Variants in COL5A2 observed in about 807,000 individuals in gnomAD.
COL5A2 encodes collagen type V alpha 2 chain, also known as collagen alpha-2(V) chain.
A neutral mutation model predicts 208.2 loss-of-function variants in COL5A2; 23 were observed. That is an observed-to-expected ratio of 0.11 (90% confidence interval 0.08 to 0.16). The LOEUF is 0.16. Among genes scored for constraint, COL5A2 ranks in the 10% least tolerant of loss-of-function variants. COL5A2 has a pLI of 1.00. For missense variants in COL5A2, 1,590 were observed against 1,956.4 expected, an observed-to-expected ratio of 0.81 and a Z score of 3.53; for synonymous variants, 625 against 628.5, an observed-to-expected ratio of 0.99 and a Z score of 0.08.
chr2:189,213,334 C>T (rs141520556), intron 1 of COL5A2, among the ~76,000 whole-genome samples: 10 of 152,090 alleles, frequency 6.6e-5, no homozygotes, highest in Admixed American at 2.0e-4. Context: ...AGATTAAATG[C>T]TATAAAAAGT....
At chr2:189,057,748 T>C (rs909487174) in intron 33 of COL5A2, among the ~76,000 whole-genome samples, 31 of 152,336 alleles carry the variant, frequency 2.0e-4, no homozygotes, top group African/African-American at 7.2e-4. Flanking sequence ...AGAAAGACAT[T>C]ACATTTAGAG....
the COL5A2 span, among the ~76,000 whole-genome samples, chr2:189,244,006 C>T: frequency 4.4e-3 from 670 of 152,316 alleles, 6 homozygotes; most frequent in African/African-American, 0.015. Context: ...AGCTGGGACA[C>T]AGGGCACCAA....
At chr2:189,238,220 C>T in the COL5A2 span, among the ~76,000 whole-genome samples, 1 of 152,016 alleles carries the variant, frequency 6.6e-6, no homozygotes, top group East Asian at 1.9e-4. Flanking sequence ...TTATTTCTCT[C>T]TTGATGTTTT....
chr2:189,116,012 A>G (rs1347399731), intron 1 of COL5A2, among the ~76,000 whole-genome samples: 1 of 152,208 alleles, frequency 6.6e-6, no homozygotes, highest in Non-Finnish European at 1.5e-5. Flanking sequence ...CAGTCACAAC[A>G]GTTCATATTT....
chr2:189,145,623 G>A (rs1688024323), intron 1 of COL5A2, among the ~76,000 whole-genome samples: 1 of 151,780 alleles, frequency 6.6e-6, no homozygotes, highest in African/African-American at 2.4e-5. Flanking sequence ...AAAAACTATG[G>A]CCAATTAATG....
At chr2:189,170,173 C>T (rs956888762) in intron 1 of COL5A2, among the ~76,000 whole-genome samples, 16 of 151,988 alleles carry the variant, frequency 1.1e-4, no homozygotes, top group Admixed American at 8.5e-4. Context: ...GATGAAGAAA[C>T]TGTAACACAG....
the COL5A2 span, among the ~76,000 whole-genome samples, chr2:189,366,459 C>T: frequency 0.013 from 1,928 of 152,294 alleles, 22 homozygotes; most frequent in Non-Finnish European, 0.021. Flanking sequence ...CTGCTAAACA[C>T]CACCCCAGGA....
chr2:189,095,717 G>A (rs1229042207), intron 6 of COL5A2: 2 of 151,692 alleles, frequency 1.3e-5, no homozygotes, highest in African/African-American at 2.4e-5. Flanking sequence ...AGGACCCAAT[G>A]TTATCAATTA....
intron 1 of COL5A2, among the ~76,000 whole-genome samples, chr2:189,136,380 T>G (rs189963736): frequency 1.8e-3 from 278 of 150,442 alleles, no homozygotes; most frequent in African/African-American, 6.1e-3. Context: ...TATACTTATA[T>G]ATATGTAAAA....
intron 1 of COL5A2, among the ~76,000 whole-genome samples, chr2:189,217,610 G>A (rs1689295697): frequency 6.6e-6 from 1 of 152,122 alleles, no homozygotes; most frequent in Non-Finnish European, 1.5e-5. Context: ...TTTACTGACC[G>A]AAGCAGCATT....
Position 189,066,696 on chromosome 2 carries a change from G to C in COL5A2, c.1455+33C>G. On this transcript the variant is annotated intron_variant, in intron 22 of 53. Transcript: ENST00000374866. Reference sequence around the variant, plus strand: ...GCTGTACACTTCCAGACAATACTATGTTCTACTTATCATTAAAACAATGAA... The same window carrying C: ...GCTGTACACTTCCAGACAATACTATCTTCTACTTATCATTAAAACAATGAA... 3 of 1,570,698 alleles carry C rather than the reference G, an allele frequency of 1.9e-6. No individual in the cohort carries two copies. The South Asian group carries it at 3.3e-5, about 17-fold the overall frequency.
the COL5A2 span, among the ~76,000 whole-genome samples, chr2:189,235,751 T>C: frequency 1.3e-5 from 2 of 151,690 alleles, no homozygotes; most frequent in Non-Finnish European, 2.9e-5. Flanking sequence ...TAATTCCAGT[T>C]TGGAGCTCAT....
At chr2:189,146,143 AG>A (rs1688035157) in intron 1 of COL5A2, among the ~76,000 whole-genome samples, 1 of 152,200 alleles carries the variant, frequency 6.6e-6, no homozygotes. Flanking sequence ...GAGAAGGTAC[AG>A]TTGTGAAATT....
the COL5A2 span, among the ~76,000 whole-genome samples, chr2:189,440,721 T>G: frequency 1.7e-4 from 26 of 152,118 alleles, no homozygotes; most frequent in African/African-American, 6.3e-4. Context: ...ATAAACATGT[T>G]GAGATTTTAG....
chr2:189,355,796 T>A, the COL5A2 span, among the ~76,000 whole-genome samples: 1 of 152,224 alleles, frequency 6.6e-6, no homozygotes, highest in Non-Finnish European at 1.5e-5. Context: ...AATATTGTTA[T>A]GTGTGAATCT....
chr2:189,283,365 T>C, the COL5A2 span, among the ~76,000 whole-genome samples: 1 of 151,918 alleles, frequency 6.6e-6, no homozygotes, highest in Non-Finnish European at 1.5e-5. Flanking sequence ...GCAATTTTTT[T>C]GAAAGAGCAA....
At chr2:189,178,265 C>T (rs1403967823) in intron 1 of COL5A2, among the ~76,000 whole-genome samples, 1 of 152,058 alleles carries the variant, frequency 6.6e-6, no homozygotes, top group Non-Finnish European at 1.5e-5. Flanking sequence ...TTTACAAATT[C>T]GTATTTTCAC....
the COL5A2 span, among the ~76,000 whole-genome samples, chr2:189,266,375 G>A: frequency 1.1e-4 from 16 of 151,884 alleles, no homozygotes; most frequent in South Asian, 1.5e-3. Context: ...ACAGTGAGCC[G>A]AGATTGTGCT....
the COL5A2 span, among the ~76,000 whole-genome samples, chr2:189,440,248 G>A: frequency 6.6e-6 from 1 of 152,130 alleles, no homozygotes; most frequent in Admixed American, 6.5e-5. Context: ...AAACTTATAG[G>A]TATAATCATG....
Sources: gnomAD v4.1 joint callset for allele counts (sites outside exome capture counted in the v4.1 genomes callset) on GRCh38, gnomAD v4.1.1 for gene constraint, MANE v1.5 for transcripts, NCBI Gene and HGNC (gene_info 2026-07-23, HGNC 2026-07-21) for gene names.